C2orf72: variants seen among roughly 807,000 people sequenced by gnomAD.
C2orf72 encodes the protein chromosome 2 open reading frame 72.
C2orf72 carries 16 observed loss-of-function variants against 14.4 expected under a neutral mutation model. The observed-to-expected ratio is 1.11, with a 90% CI of 0.75 to 1.69. C2orf72 has a LOEUF of 1.69. Among genes scored for constraint, C2orf72 ranks in the 40% most tolerant of loss-of-function variants. The probability of loss-of-function intolerance (pLI) is 0.00; values close to 1 mark genes in which losing one functional copy is unlikely to be tolerated. For synonymous variants in C2orf72, 168 were observed against 176.8 expected, an observed-to-expected ratio of 0.95 and a Z score of 0.40; for missense variants, 371 against 358.3, an observed-to-expected ratio of 1.04 and a Z score of -0.29.
intron 1 of C2orf72, 143 bp from the exon 2 acceptor site, chr2:231,041,153 C>T: frequency 1.8e-6 from 1 of 565,292 alleles, no homozygotes; most frequent in Non-Finnish European, 3.0e-6. Context: ...CCCACTTTTG[C>T]AAATCAGACT....
intron 2 of C2orf72, among the ~76,000 whole-genome samples, chr2:231,046,653 G>C (rs1274176102): frequency 6.6e-6 from 1 of 152,180 alleles, no homozygotes; most frequent in African/African-American, 2.4e-5. Context: ...CTGGTAGCAA[G>C]ATAGCTCCAG....
rs572924517 is a variant in C2orf72, at chr2:231,041,519, T to A, written c.748+110T>A. The A allele has an allele frequency of 1.7e-4, 124 of 750,616 alleles. No homozygotes were observed. In the African/African-American group the frequency reaches 2.0e-3, roughly 12 times the overall value. The allele number at this position is 750,616 out of a possible 1,614,324, so 46.5% of individuals were successfully genotyped here. On this transcript the variant is annotated intron_variant, in intron 2 of 2. Coordinates refer to ENST00000373640, the MANE Select transcript of C2orf72 (RefSeq NM_001144994.2). ...ACAGAGTGGACCAACATCTATGGAG[T>A]GCTTGCCATGTGCCAGGTGTGGGGA... is the stretch of plus-strand genomic sequence containing the variant.
At position 231,045,876 on chromosome 2, in the gene C2orf72, G is replaced by A. The variant is rs151268669; in HGVS notation, c.749-1006G>A. On this transcript the variant is annotated intron_variant, in intron 2 of 2. Coordinates refer to ENST00000373640, the MANE Select transcript of C2orf72 (RefSeq NM_001144994.2). ...ATTAAGGTTCGTAATTGACCAAAAT[G>A]TCATTATGTTGCACGTGACTGTACT... Among the ~76,000 whole-genome samples, 14 of 152,312 alleles carry A rather than the reference G, an allele frequency of 9.2e-5. No individual in the cohort carries two copies. The East Asian group carries it at 2.7e-3, about 29-fold the overall frequency.
Position 231,040,206 on chromosome 2 carries a change from C to T in C2orf72, c.635-1090C>T, listed in dbSNP as rs533340765. ...CTGCTCCCACTTGCAAGTTCACTGG[C>T]GAAATCCCAGAACCCTTTATCCCTT... On this transcript the variant is annotated intron_variant, in intron 1 of 2. Coordinates refer to ENST00000373640, the MANE Select transcript of C2orf72 (RefSeq NM_001144994.2). Among the ~76,000 whole-genome samples, 5 of 152,238 alleles carry T rather than the reference C, an allele frequency of 3.3e-5. No homozygotes were observed. In the East Asian group the frequency reaches 7.7e-4, roughly 23 times the overall value.
At chr2:231,046,751 G>A in intron 2 of C2orf72, 131 bp from the exon 3 acceptor site, 2 of 911,624 alleles carry the variant, frequency 2.2e-6, no homozygotes, top group Admixed American at 5.8e-5. Context: ...CATCGTTAAG[G>A]TTTTTGATAT....
chr2:231,038,041 G>T lies in C2orf72; in HGVS notation c.476G>T (p.Gly159Val). 1 of 1,097,530 alleles carries T rather than the reference G, an allele frequency of 9.1e-7. No individual in the cohort carries two copies. The highest frequency in any genetic ancestry group is 1.1e-6 in the Non-Finnish European group (1 of 903,744). The allele number at this position is 1,097,530 out of a possible 1,614,324, so 68.0% of individuals were successfully genotyped here. The change falls in exon 1 of 3, where the codon GGG becomes GTG. Residue 159 changes from glycine to valine, a missense_variant. Coordinates refer to ENST00000373640, the MANE Select transcript of C2orf72 (RefSeq NM_001144994.2). ...GGGCCAGAGGACGCGGTGGCGCCGG[G>T]GCTGCGGCTGCTGGAGGCGCTGTTG... Reference protein sequence around the residue: ...EAGPEDAVAPGLRLLEALLRA... With the variant: ...EAGPEDAVAPVLRLLEALLRA...
rs1342010295 is a variant in C2orf72 at position 231,037,843 on chromosome 2, G to GGGCGGC, written c.292_297dup (p.Ala98_Ala99dup). 7 of 978,542 alleles carry GGGCGGC rather than the reference G, an allele frequency of 7.2e-6. No homozygotes were observed. The highest frequency in any genetic ancestry group is 6.4e-5 in the Admixed American group (1 of 15,668). The allele number at this position is 978,542 out of a possible 1,614,324, so 60.6% of individuals were successfully genotyped here. A position where few individuals can be genotyped will look rare whatever the true frequency, so the allele number is the denominator to read the frequency against. On this transcript the variant is annotated inframe_insertion, in exon 1 of 3. Transcript: ENST00000373640. ...GCGGCGAGGGCGGCTGGGGCGGCGG[G>GGGCGGC]GGCGGCGGCGGCGGCGGCGCGCGCC...
intron 1 of C2orf72, 31 bp from the exon 2 acceptor site, chr2:231,041,265 C>T: frequency 6.8e-7 from 1 of 1,476,806 alleles, no homozygotes; most frequent in Middle Eastern, 1.7e-4. Flanking sequence ...AACCATGTGA[C>T]CCTCTGACTC....
chr2:231,038,699 G>A (rs1574687951), intron 1 of C2orf72, among the ~76,000 whole-genome samples: 1 of 152,232 alleles, frequency 6.6e-6, no homozygotes, highest in Non-Finnish European at 1.5e-5. Flanking sequence ...CTCCAGCGCG[G>A]TGGAGGCTCG....
chr2:231,040,361 C>T (rs546668394), intron 1 of C2orf72, among the ~76,000 whole-genome samples: 43 of 152,304 alleles, frequency 2.8e-4, no homozygotes, highest in Non-Finnish European at 5.6e-4. Flanking sequence ...GTGAATGAAT[C>T]CTCCCTTCCT....
chr2:231,043,399 CAA>C (rs576063652), intron 2 of C2orf72, among the ~76,000 whole-genome samples: 1 of 131,700 alleles, frequency 7.6e-6, no homozygotes. Flanking sequence ...AAAAAAAGTA[CAA>C]AAAAAAAAAA....
intron 1 of C2orf72, among the ~76,000 whole-genome samples, chr2:231,039,470 T>C (rs1233475798): frequency 1.3e-5 from 2 of 151,962 alleles, no homozygotes; most frequent in Admixed American, 1.3e-4. Flanking sequence ...AGAAAGTGGC[T>C]GTATTGTGTG....
Position 231,047,608 on chromosome 2 carries a change from T to C in C2orf72, c.*587T>C, listed in dbSNP as rs945325894. 4.4e-6 allele frequency: 1 copy of C among 226,026 alleles called. No homozygotes were observed. The highest frequency in any genetic ancestry group is 1.8e-3 in the Middle Eastern group (1 of 552). 14.0% of individuals were successfully genotyped at this position (226,026 alleles called of 1,614,324 possible). ...CTGTGGGGGCACCCCTGGCATCTAG[T>C]GGGCATCCCACAATGTGCAGAACAG... On this transcript the variant is annotated 3_prime_UTR_variant, in exon 3 of 3. Transcript: ENST00000373640.
At chr2:231,043,587 C>CA (rs1463073676) in intron 2 of C2orf72, among the ~76,000 whole-genome samples, 1 of 152,072 alleles carries the variant, frequency 6.6e-6, no homozygotes, top group African/African-American at 2.4e-5. Context: ...TGTTTAATTG[C>CA]AAAAATGCTA....
chr2:231,039,321 TAAAA>T (rs11462715), intron 1 of C2orf72, among the ~76,000 whole-genome samples: 4 of 126,854 alleles, frequency 3.2e-5, no homozygotes, highest in African/African-American at 9.0e-5. Context: ...CTTAAAGTAT[TAAAA>T]AAAAAAAAAA....
intron 2 of C2orf72, among the ~76,000 whole-genome samples, chr2:231,043,800 A>G (rs1376332426): frequency 6.6e-6 from 1 of 152,256 alleles, no homozygotes; most frequent in East Asian, 1.9e-4. Context: ...TATGATAAAT[A>G]TAGGATATCA....
At chr2:231,044,427 G>A (rs999022244) in intron 2 of C2orf72, among the ~76,000 whole-genome samples, 2 of 152,116 alleles carry the variant, frequency 1.3e-5, no homozygotes, top group Admixed American at 6.6e-5. Flanking sequence ...AGGATGGCTC[G>A]GGCCCAAGAG....
chr2:231,037,794 G>A lies in C2orf72; in HGVS notation c.229G>A (p.Gly77Arg). 1 of 983,300 alleles carries A rather than the reference G, an allele frequency of 1.0e-6. No homozygotes were observed. Among genetic ancestry groups the A allele is most frequent in the South Asian group, 4.5e-5 (1 of 22,076 alleles). The allele number at this position is 983,300 out of a possible 1,614,324, so 60.9% of individuals were successfully genotyped here. Residue 77 changes from glycine to arginine, a missense_variant, in exon 1 of 3, where the codon GGG (glycine) becomes AGG (arginine). Physicochemically the swap from Gly to Arg is moderately radical, Grantham distance 125. Transcript: ENST00000373640. ...GGAAAEGAGP[G>R]AARGAQRAAR... Reference sequence around the variant, plus strand: ...CGCGGCGGCAGAGGGCGCGGGGCCCGGGGCGGCGCGCGGGGCGCAGAGGGC... The same window carrying A: ...CGCGGCGGCAGAGGGCGCGGGGCCCAGGGCGGCGCGCGGGGCGCAGAGGGC...
chr2:231,047,140 C>A lies in C2orf72; in HGVS notation c.*119C>A. 1 of 1,231,388 alleles carries A rather than the reference C, an allele frequency of 8.1e-7. No homozygotes were observed. Among genetic ancestry groups the A allele is most frequent in the Non-Finnish European group, 1.2e-6 (1 of 860,708 alleles). The allele number at this position is 1,231,388 out of a possible 1,614,324, so 76.3% of individuals were successfully genotyped here. A position where few individuals can be genotyped will look rare whatever the true frequency, so the allele number is the denominator to read the frequency against. On this transcript the variant is annotated 3_prime_UTR_variant, in exon 3 of 3. Coordinates refer to ENST00000373640, the MANE Select transcript of C2orf72 (RefSeq NM_001144994.2). ...ACCCCCGCCTGCTGGAGGCCTGCCA[C>A]ACTCACAGTTACCAGCTAGACAGTG...
Sources: gnomAD v4.1 joint callset for allele counts (sites outside exome capture counted in the v4.1 genomes callset) on GRCh38, gnomAD v4.1.1 for gene constraint, MANE v1.5 for transcripts, NCBI Gene and HGNC (gene_info 2026-07-23, HGNC 2026-07-21) for gene names.